Variants in ROBO2 observed in about 807,000 individuals in gnomAD.
ROBO2 encodes roundabout homolog 2.
ROBO2 carries 53 observed loss-of-function variants against 160.8 expected under a neutral mutation model. That is an observed-to-expected ratio of 0.33 (90% CI 0.26 to 0.41). The LOEUF (loss-of-function observed/expected upper bound fraction) is 0.41. ROBO2 is among the 10% of genes least tolerant of loss of function. ROBO2 has a pLI of 1.00. For synonymous variants in ROBO2, 664 were observed against 611.7 expected (o/e 1.09, Z -1.26); for missense variants, 1,577 against 1,722.4 (o/e 0.92, Z 1.49).
intron 24 of ROBO2, among the ~76,000 whole-genome samples, chr3:77,641,489 A>G (rs2095350669): frequency 6.6e-6 from 1 of 152,238 alleles, no homozygotes; most frequent in African/African-American, 2.4e-5. Context: ...TCTAAATTTC[A>G]CAAACAGAAT....
intron 2 of ROBO2, among the ~76,000 whole-genome samples, chr3:76,904,388 T>C (rs529875435): frequency 7.2e-5 from 11 of 152,284 alleles, no homozygotes; most frequent in African/African-American, 2.6e-4. Flanking sequence ...TTGCCAAATA[T>C]AGCAGTTACA....
intron 2 of ROBO2, among the ~76,000 whole-genome samples, chr3:76,410,319 G>A (rs1296644258): frequency 2.6e-5 from 4 of 152,114 alleles, no homozygotes; most frequent in South Asian, 2.1e-4. Flanking sequence ...ACAGCAGGAC[G>A]GACGGTGTAT....
rs762639441 is a variant in ROBO2 at position 76,567,807 on chromosome 3, A to ATTT, written c.110-530193_110-530191dup. The stretch of plus-strand genomic sequence containing the variant: ...TGTGTGTGTGTGTGTGTATATATAT[A>ATTT]TTTTTTTTTTTTTTTTGGGGGGGGT... On this transcript the variant is annotated intron_variant, in intron 2 of 26. Coordinates refer to the ROBO2 transcript ENST00000487694. Among the ~76,000 whole-genome samples, 20 of 72,330 alleles carry ATTT rather than the reference A, an allele frequency of 2.8e-4. No individual in the cohort carries two copies. In the East Asian group the frequency reaches 2.9e-3, roughly 10 times the overall value. The allele number at this position is 72,330 out of a possible 152,430, so 47.5% of individuals were successfully genotyped here. A position where few individuals can be genotyped will look rare whatever the true frequency, so the allele number is the denominator to read the frequency against.
intron 5 of ROBO2, among the ~76,000 whole-genome samples, chr3:77,505,417 T>C (rs1447639001): frequency 1.3e-5 from 2 of 152,098 alleles, no homozygotes; most frequent in African/African-American, 4.8e-5. Flanking sequence ...GATTTGTAAC[T>C]TGGGTGCCTG....
At chr3:76,842,756 T>C (rs916121664) in intron 2 of ROBO2, among the ~76,000 whole-genome samples, 2 of 152,162 alleles carry the variant, frequency 1.3e-5, no homozygotes, top group African/African-American at 4.8e-5. Context: ...TTAAGAGTAC[T>C]AATATTTTAA....
chr3:75,972,167 G>A (rs1289392336), intron 2 of ROBO2, among the ~76,000 whole-genome samples: 3 of 151,500 alleles, frequency 2.0e-5, no homozygotes, highest in African/African-American at 4.8e-5. Context: ...AAACTATTTT[G>A]AGCAATATAA....
intron 2 of ROBO2, among the ~76,000 whole-genome samples, chr3:77,378,304 C>T (rs904239300): frequency 2.0e-5 from 3 of 152,122 alleles, no homozygotes; most frequent in African/African-American, 4.8e-5. Context: ...AGAGCCCTAC[C>T]TGTATTAACT....
At chr3:76,062,998 A>C (rs556938939) in intron 2 of ROBO2, among the ~76,000 whole-genome samples, 1 of 152,294 alleles carries the variant, frequency 6.6e-6, no homozygotes, top group Non-Finnish European at 1.5e-5. Flanking sequence ...TCTATTCATA[A>C]TTTAGAAATC....
chr3:76,450,984 T>C (rs540259042), intron 2 of ROBO2, among the ~76,000 whole-genome samples: 27 of 152,256 alleles, frequency 1.8e-4, no homozygotes, highest in Non-Finnish European at 3.4e-4. Flanking sequence ...AATTTACCTC[T>C]CATTTAACGT....
At chr3:76,978,917 G>GTTTT (rs1167066418) in intron 2 of ROBO2, among the ~76,000 whole-genome samples, 1 of 146,794 alleles carries the variant, frequency 6.8e-6, no homozygotes, top group Non-Finnish European at 1.5e-5. Context: ...CAGTTTTAGA[G>GTTTT]TTTTTTTTGT....
chr3:77,612,695 C>G (rs931396935), intron 21 of ROBO2, among the ~76,000 whole-genome samples: 5 of 152,008 alleles, frequency 3.3e-5, no homozygotes, highest in African/African-American at 1.2e-4. Context: ...TCTTGTAATC[C>G]CAGCACGTTG....
intron 6 of ROBO2, among the ~76,000 whole-genome samples, 178 bp from the exon 8 acceptor site, chr3:77,546,160 A>G (rs774740534): frequency 3.9e-5 from 6 of 152,180 alleles, no homozygotes; most frequent in Non-Finnish European, 7.4e-5. Context: ...TTCTTTCCTC[A>G]CATTGGATTG....
intron 3 of ROBO2, among the ~76,000 whole-genome samples, chr3:77,479,098 A>G (rs1005899360): frequency 6.6e-6 from 1 of 152,144 alleles, no homozygotes; most frequent in African/African-American, 2.4e-5. Flanking sequence ...AGGAAGATTA[A>G]ATGATTTTCA....
At chr3:76,927,450 A>T (rs190247168) in intron 2 of ROBO2, among the ~76,000 whole-genome samples, 1 of 152,342 alleles carries the variant, frequency 6.6e-6, no homozygotes, top group Admixed American at 6.5e-5. Context: ...TAGCAGTGGA[A>T]AACCTTATAC....
intron 2 of ROBO2, among the ~76,000 whole-genome samples, chr3:76,532,307 T>A (rs2082272808): frequency 6.6e-6 from 1 of 152,206 alleles, no homozygotes; most frequent in African/African-American, 2.4e-5. Flanking sequence ...CCAGTTGAGT[T>A]ATGACTGATT....
chr3:76,126,388 C>G (rs998937222), intron 2 of ROBO2, among the ~76,000 whole-genome samples: 1 of 151,978 alleles, frequency 6.6e-6, no homozygotes, highest in African/African-American at 2.4e-5. Flanking sequence ...CTTATATATT[C>G]ACGGTTGGAC....
chr3:77,261,470 C>T (rs577663777), intron 2 of ROBO2, among the ~76,000 whole-genome samples: 91 of 152,240 alleles, frequency 6.0e-4, no homozygotes, highest in Admixed American at 2.0e-3. Flanking sequence ...AATGTGTTGT[C>T]AGTTCTCTAA....
At chr3:77,622,761 A>G (rs2094928659) in intron 23 of ROBO2, among the ~76,000 whole-genome samples, 1 of 152,198 alleles carries the variant, frequency 6.6e-6, no homozygotes, top group African/African-American at 2.4e-5. Flanking sequence ...GATCTTTTTT[A>G]TATATATCAG....
rs71101891 is a variant in ROBO2 at position 76,495,592 on chromosome 3, GT to G, written c.109+558000del. ...CATTTAGGCTATAGACCATTTTCTA[GT>G]TTTTTTTTTAGATTGTATGTGCTCT... On this transcript the variant is annotated intron_variant, in intron 2 of 26. Transcript: ENST00000487694. 4.7e-5 allele frequency among the ~76,000 whole-genome samples: 7 copies of G among 149,474 alleles called. No homozygotes were observed. In the South Asian group the frequency reaches 1.1e-3, roughly 23 times the overall value.
Sources: allele counts gnomAD v4.1 joint callset (sites outside exome capture counted in the v4.1 genomes callset), GRCh38; gene constraint gnomAD v4.1.1; transcripts MANE v1.5; gene names NCBI Gene and HGNC (gene_info 2026-07-23, HGNC 2026-07-21).